ARHGAP44: variants seen among roughly 807,000 people sequenced by gnomAD.
ARHGAP44 encodes rho GTPase-activating protein 44.
A neutral mutation model predicts 106.8 loss-of-function variants in ARHGAP44; 43 were observed. The observed-to-expected ratio is 0.40, with a 90% confidence interval of 0.32 to 0.52. The LOEUF is 0.52. Ranked by LOEUF, ARHGAP44 falls within the 20% of genes least tolerant of loss-of-function variation. ARHGAP44 has a pLI of 0.48. For synonymous variants in ARHGAP44, 439 were observed against 410.3 expected, an observed-to-expected ratio of 1.07 and a Z score of -0.85; for missense variants, 866 against 1,050.5, an observed-to-expected ratio of 0.82 and a Z score of 2.43.
At chr17:12,864,180 G>A (rs573093291) in intron 1 of ARHGAP44, among the ~76,000 whole-genome samples, 131 of 152,196 alleles carry the variant, frequency 8.6e-4, no homozygotes, top group Non-Finnish European at 1.6e-3. Context: ...GTGGTCATAT[G>A]GGCTGGAAGT....
intron 1 of ARHGAP44, among the ~76,000 whole-genome samples, chr17:12,814,701 A>AT (rs1211585731): frequency 1.3e-5 from 2 of 152,144 alleles, no homozygotes; most frequent in Non-Finnish European, 2.9e-5. Flanking sequence ...CTCATATTAC[A>AT]TATAGCAAAT....
rs747102036 is a variant in ARHGAP44, at chr17:12,958,655, C to T, written c.1343-62C>T. The T allele has an allele frequency of 6.2e-5, 95 of 1,533,348 alleles. No individual in the cohort carries two copies. Among genetic ancestry groups the T allele is most frequent in the Non-Finnish European group, 7.8e-5 (87 of 1,117,916 alleles). 95.0% of individuals were successfully genotyped at this position (1,533,348 alleles called of 1,614,324 possible). A position where few individuals can be genotyped will look rare whatever the true frequency, so the allele number is the denominator to read the frequency against. On this transcript the variant is annotated intron_variant, in intron 15 of 20. Coordinates refer to ENST00000379672, the MANE Select transcript of ARHGAP44 (RefSeq NM_014859.6). The surrounding 1 kb of genome is among the most constrained non-coding windows in gnomAD (Gnocchi z 4.1). ...AGTGGGTGTCTGGACTCATTCCTCC[C>T]CTGCCCAGGAAGGGTGTGGCAGACC...
At chr17:12,920,799 A>G (rs1279775309) in intron 6 of ARHGAP44, among the ~76,000 whole-genome samples, 1 of 152,176 alleles carries the variant, frequency 6.6e-6, no homozygotes, top group Admixed American at 6.5e-5. Context: ...AGAGCAGTCA[A>G]GTACCTGTAG....
At chr17:12,793,633 G>A (rs375667889) in intron 1 of ARHGAP44, among the ~76,000 whole-genome samples, 14 of 152,018 alleles carry the variant, frequency 9.2e-5, no homozygotes, top group South Asian at 8.3e-4. Flanking sequence ...GCTTGAACCC[G>A]GGAGGTGGAG....
intron 16 of ARHGAP44, among the ~76,000 whole-genome samples, chr17:12,969,063 C>A (rs189781864): frequency 6.6e-6 from 1 of 152,264 alleles, no homozygotes; most frequent in Non-Finnish European, 1.5e-5. Context: ...GCCACTGCAC[C>A]TGGCCTCCCT....
intron 10 of ARHGAP44, among the ~76,000 whole-genome samples, chr17:12,945,653 G>A (rs1159571416): frequency 6.6e-6 from 1 of 152,184 alleles, no homozygotes; most frequent in Non-Finnish European, 1.5e-5. Flanking sequence ...GAGCATGCGG[G>A]TGTATGTGGC....
chr17:12,964,462 C>T (rs1157498505), intron 16 of ARHGAP44, among the ~76,000 whole-genome samples: 1 of 150,414 alleles, frequency 6.6e-6, no homozygotes, highest in Non-Finnish European at 1.5e-5. Flanking sequence ...TGTTGAAGGA[C>T]CTGTGGAGAA....
chr17:12,920,155 C>T (rs960587120), intron 6 of ARHGAP44, among the ~76,000 whole-genome samples: 3 of 152,026 alleles, frequency 2.0e-5, no homozygotes, highest in Non-Finnish European at 2.9e-5. Flanking sequence ...GCGGGCGGAT[C>T]ACAAGGTCAA....
At chr17:12,810,202 T>G (rs1412171141) in intron 1 of ARHGAP44, among the ~76,000 whole-genome samples, 1 of 152,166 alleles carries the variant, frequency 6.6e-6, no homozygotes, top group East Asian at 1.9e-4. Flanking sequence ...TTCCCAGAGC[T>G]GCCATAACAA....
chr17:12,850,608 AG>A (rs11319940), intron 1 of ARHGAP44, among the ~76,000 whole-genome samples: 40,364 of 151,920 alleles, frequency 0.27, 7,424 homozygotes, highest in African/African-American at 0.53. Flanking sequence ...GGCTCCAGAA[AG>A]AGAGTCTCAC....
intron 4 of ARHGAP44, among the ~76,000 whole-genome samples, chr17:12,915,121 C>T (rs994954702): frequency 3.3e-5 from 5 of 152,198 alleles, no homozygotes; most frequent in African/African-American, 9.7e-5. Flanking sequence ...TCACTACAGC[C>T]TCTGCCTCCC....
chr17:12,981,352 A>G lies in ARHGAP44; in HGVS notation c.1939+1119A>G, dbSNP rs557448663. Among the ~76,000 whole-genome samples the G allele has an allele frequency of 5.3e-5, 8 of 151,820 alleles. No individual in the cohort carries two copies. In the East Asian group the frequency reaches 1.6e-3, roughly 30 times the overall value. ...TTTCAGCATCTCAGAGCATTTCTCC[A>G]GCACCAATGGTTTCTCCTTGGTCTA... On this transcript the variant is annotated intron_variant, in intron 19 of 20. Transcript: ENST00000379672.
intron 1 of ARHGAP44, among the ~76,000 whole-genome samples, chr17:12,829,001 T>G (rs1219977785): frequency 1.3e-5 from 2 of 152,168 alleles, no homozygotes; most frequent in South Asian, 2.1e-4. Context: ...ATAACTTTAT[T>G]TTTTTACAAT....
At chr17:12,963,046 CA>C (rs71369355) in intron 16 of ARHGAP44, among the ~76,000 whole-genome samples, 321 of 70,906 alleles carry the variant, frequency 4.5e-3, no homozygotes, top group African/African-American at 0.016. Flanking sequence ...AACACCATCT[CA>C]AAAAAAAAAA....
At chr17:12,900,008 A>G (rs1032865359) in intron 3 of ARHGAP44, among the ~76,000 whole-genome samples, 1 of 152,252 alleles carries the variant, frequency 6.6e-6, no homozygotes, top group Non-Finnish European at 1.5e-5. Flanking sequence ...TGTTGCCATT[A>G]TCTCAGTGAC....
intron 5 of ARHGAP44, among the ~76,000 whole-genome samples, 178 bp downstream of exon 5, chr17:12,916,189 AT>A (rs2037908276): frequency 6.6e-6 from 1 of 152,004 alleles, no homozygotes; most frequent in South Asian, 2.1e-4. Context: ...TCCTTTTAGC[AT>A]TTGCTACCCC....
chr17:12,928,236 T>C (rs1313173910), intron 6 of ARHGAP44, among the ~76,000 whole-genome samples: 1 of 152,218 alleles, frequency 6.6e-6, no homozygotes, highest in East Asian at 1.9e-4. Flanking sequence ...ATCAGATTTG[T>C]TTTTAATCTT....
intron 1 of ARHGAP44, among the ~76,000 whole-genome samples, chr17:12,831,737 G>A (rs2035095255): frequency 6.6e-6 from 1 of 152,142 alleles, no homozygotes; most frequent in African/African-American, 2.4e-5. Context: ...AGGGACACAG[G>A]AAGGATTCAC....
At chr17:12,805,065 A>ATGAGGTGT (rs2034231962) in intron 1 of ARHGAP44, among the ~76,000 whole-genome samples, 1 of 152,166 alleles carries the variant, frequency 6.6e-6, no homozygotes, top group Non-Finnish European at 1.5e-5. Context: ...TTGATGGTAG[A>ATGAGGTGT]TGAGGTGTTC....
Sources: gnomAD v4.1 joint callset for allele counts (sites outside exome capture counted in the v4.1 genomes callset) on GRCh38, gnomAD v4.1.1 for gene constraint, Gnocchi (gnomAD v3.1) non-coding constraint, MANE v1.5 for transcripts, NCBI Gene and HGNC (gene_info 2026-07-23, HGNC 2026-07-21) for gene names.